The following FRMD5 variants were observed in gnomAD, a reference collection of about 807,000 sequenced individuals.
The protein encoded by FRMD5 is FERM domain-containing protein 5.
A neutral mutation model predicts 69.0 loss-of-function variants in FRMD5; 20 were observed. The ratio of observed to expected loss-of-function variants is 0.29; its 90% CI spans 0.20 to 0.42. The LOEUF (loss-of-function observed/expected upper bound fraction) is 0.42, where lower values mean the gene tolerates loss of function less well. Ranked by LOEUF, FRMD5 falls within the 10% of genes least tolerant of loss-of-function variation. The pLI, the probability that FRMD5 is intolerant of heterozygous loss-of-function variation, is 1.00. For synonymous variants in FRMD5, 271 were observed against 260.1 expected (o/e 1.04, Z -0.40); for missense variants, 595 against 708.6 (o/e 0.84, Z 1.82).
At chr15:43,876,275 T>G (rs560093841) in intron 13 of FRMD5, 2 of 1,378,024 alleles carry the variant, frequency 1.5e-6, no homozygotes, top group Non-Finnish European at 2.0e-6. Context: ...CTCTGAACTC[T>G]GGGCCTGGTT....
intron 13 of FRMD5, among the ~76,000 whole-genome samples, chr15:43,882,386 T>G (rs2088554314): frequency 6.6e-6 from 1 of 151,172 alleles, no homozygotes; most frequent in South Asian, 2.1e-4. Context: ...TGAGATGGAG[T>G]CTTACTCTGT....
intron 1 of FRMD5, among the ~76,000 whole-genome samples, chr15:44,124,282 C>T (rs891440717): frequency 1.3e-5 from 2 of 151,590 alleles, no homozygotes; most frequent in Non-Finnish European, 2.9e-5. Flanking sequence ...CGTGAGCCAC[C>T]GTGCCCATAT....
intron 1 of FRMD5, among the ~76,000 whole-genome samples, chr15:44,019,263 G>T (rs1215359796): frequency 6.6e-6 from 1 of 151,940 alleles, no homozygotes; most frequent in Non-Finnish European, 1.5e-5. Context: ...ACCCAATTTT[G>T]TAAATCCTAG....
In FRMD5 at chr15:43,905,734, A is replaced by C. The variant is rs2089155178; in HGVS notation, c.551+94T>G. 8.7e-6 allele frequency: 13 copies of C among 1,495,856 alleles called. No individual in the cohort carries two copies. The South Asian group carries it at 1.5e-4, about 18-fold the overall frequency. 92.7% of individuals were successfully genotyped at this position (1,495,856 alleles called of 1,614,324 possible). A position where few individuals can be genotyped will look rare whatever the true frequency, so the allele number is the denominator to read the frequency against. On this transcript the variant is annotated intron_variant, in intron 6 of 13. Transcript: ENST00000417257. ...TGGGGAGCATCACTCTGTGTCAGTA[A>C]ACAGTCTGCGAGAACAGAGGACACG...
At chr15:44,096,454 G>A (rs1240508736) in intron 1 of FRMD5, among the ~76,000 whole-genome samples, 1 of 149,010 alleles carries the variant, frequency 6.7e-6, no homozygotes, top group Non-Finnish European at 1.5e-5. Flanking sequence ...CCAGGCTGGA[G>A]TACAATGGTG....
At chr15:44,014,832 T>C (rs1890884186) in intron 1 of FRMD5, among the ~76,000 whole-genome samples, 2 of 152,218 alleles carry the variant, frequency 1.3e-5, no homozygotes, top group African/African-American at 4.8e-5. Flanking sequence ...CTGAAAGCTA[T>C]ATGAGCATTA....
intron 1 of FRMD5, among the ~76,000 whole-genome samples, chr15:43,975,646 A>T (rs2090450920): frequency 6.6e-6 from 1 of 152,226 alleles, no homozygotes; most frequent in Admixed American, 6.5e-5. Flanking sequence ...AGAGGGATAT[A>T]TCATGTTTAT....
intron 1 of FRMD5, among the ~76,000 whole-genome samples, chr15:43,955,813 A>ATAT (rs1566859803): frequency 6.8e-6 from 1 of 146,324 alleles, no homozygotes; most frequent in African/African-American, 2.5e-5. Flanking sequence ...CACTTCAGAG[A>ATAT]TTTTTTTTTT....
intron 1 of FRMD5, among the ~76,000 whole-genome samples, chr15:43,988,208 G>A (rs2140125906): frequency 6.6e-6 from 1 of 152,236 alleles, no homozygotes; most frequent in South Asian, 2.1e-4. Flanking sequence ...TGTGGCCTGG[G>A]GGTTGAGGAC....
chr15:43,978,951 T>C (rs982115103), intron 1 of FRMD5, among the ~76,000 whole-genome samples: 9 of 152,232 alleles, frequency 5.9e-5, no homozygotes, highest in Non-Finnish European at 1.2e-4. Context: ...GGAATTCTAC[T>C]GGCAAAATAC....
intron 1 of FRMD5, among the ~76,000 whole-genome samples, chr15:44,133,145 C>G (rs994600254): frequency 4.0e-5 from 6 of 151,380 alleles, no homozygotes; most frequent in Non-Finnish European, 7.4e-5. Flanking sequence ...ACCAGGGAGT[C>G]GGAGATTGCA....
At chr15:43,960,300 A>T (rs573778948) in intron 1 of FRMD5, among the ~76,000 whole-genome samples, 1 of 152,102 alleles carries the variant, frequency 6.6e-6, no homozygotes, top group East Asian at 1.9e-4. Flanking sequence ...CCCAGGCTGC[A>T]GTGCAGTGGC....
chr15:43,884,694 CA>C (rs772533424), intron 12 of FRMD5, 32 bp downstream of exon 12: 141 of 1,597,956 alleles, frequency 8.8e-5, no homozygotes, highest in Non-Finnish European at 1.2e-4. Context: ...ATCTGAGCTA[CA>C]ACTGTTTGGG....
At chr15:44,142,706 T>C (rs1261918220) in intron 1 of FRMD5, among the ~76,000 whole-genome samples, 2 of 152,104 alleles carry the variant, frequency 1.3e-5, no homozygotes, top group Non-Finnish European at 2.9e-5. Context: ...AAAAGGATAA[T>C]AGAGTTCAAA....
chr15:44,104,140 G>A (rs767058675), intron 1 of FRMD5, among the ~76,000 whole-genome samples: 10 of 152,132 alleles, frequency 6.6e-5, no homozygotes, highest in Non-Finnish European at 8.8e-5. Context: ...CCTTGTGTAC[G>A]CCCAGGTTAA....
At chr15:44,113,664 C>G (rs2076829905) in intron 1 of FRMD5, among the ~76,000 whole-genome samples, 1 of 152,130 alleles carries the variant, frequency 6.6e-6, no homozygotes, top group Non-Finnish European at 1.5e-5. Context: ...TTCTTTCTAA[C>G]AACTTTTTGT....
intron 1 of FRMD5, among the ~76,000 whole-genome samples, chr15:44,035,919 T>C (rs184402017): frequency 1.6e-4 from 24 of 152,296 alleles, no homozygotes; most frequent in Non-Finnish European, 2.9e-4. Context: ...GCCAACTAAC[T>C]AGAATGACTA....
chr15:43,875,831 TCAGTCTTTCATATGATTTTA>T, intron 13 of FRMD5: 1 of 469,430 alleles, frequency 2.1e-6, no homozygotes, highest in South Asian at 3.2e-5. Flanking sequence ...TTTTTTTCTT[TCAGTCTTTCATATGATTTTA>T]TTTTCTTCCT....
At chr15:44,161,725 C>T (rs1350906179) in intron 1 of FRMD5, among the ~76,000 whole-genome samples, 1 of 152,180 alleles carries the variant, frequency 6.6e-6, no homozygotes, top group East Asian at 1.9e-4. Flanking sequence ...TCATCTACCT[C>T]TGTTCTACAT....
Sources: allele counts gnomAD v4.1 joint callset (sites outside exome capture counted in the v4.1 genomes callset), GRCh38; gene constraint gnomAD v4.1.1; transcripts MANE v1.5; gene names NCBI Gene and HGNC (gene_info 2026-07-23, HGNC 2026-07-21).